POMT2: variants seen among roughly 807,000 people sequenced by gnomAD.
POMT2 encodes protein O-mannosyl-transferase 2.
Under a neutral mutation model 100.0 loss-of-function variants are expected in POMT2, and 75 were observed. That is an observed-to-expected ratio of 0.75 (90% CI 0.62 to 0.91). POMT2 has a LOEUF of 0.91. POMT2 is among the 40% of genes least tolerant of loss of function. The pLI is 0.00. For synonymous variants in POMT2, 378 were observed against 374.1 expected (o/e 1.01, Z -0.12); for missense variants, 940 against 955.1 (o/e 0.98, Z 0.21).
intron 7 of POMT2, among the ~76,000 whole-genome samples, chr14:77,299,015 T>C (rs1890928500): frequency 6.6e-6 from 1 of 152,120 alleles, no homozygotes; most frequent in Non-Finnish European, 1.5e-5. Context: ...ACTAGAGATT[T>C]AAAGAAACCA....
intron 11 of POMT2, among the ~76,000 whole-genome samples, chr14:77,288,216 G>GT (rs1487289343): frequency 1.3e-5 from 2 of 152,208 alleles, no homozygotes; most frequent in African/African-American, 4.8e-5. Context: ...CTTTGGCCTG[G>GT]TAACTCTTTA....
chr14:77,318,951 G>T (rs980914052), intron 1 of POMT2, among the ~76,000 whole-genome samples: 1 of 152,128 alleles, frequency 6.6e-6, no homozygotes, highest in African/African-American at 2.4e-5. Flanking sequence ...GGCCAGGTTG[G>T]TCTCGAACTC....
At chr14:77,312,289 T>C in intron 1 of POMT2, 1 of 426,512 alleles carries the variant, frequency 2.3e-6, no homozygotes. Flanking sequence ...TAAATATACA[T>C]ATACTTACTC....
At chr14:77,286,408 G>A (rs898636872) in intron 12 of POMT2, among the ~76,000 whole-genome samples, 1 of 152,180 alleles carries the variant, frequency 6.6e-6, no homozygotes, top group Non-Finnish European at 1.5e-5. Context: ...CATACATGTT[G>A]TTCATCTGGG....
chr14:77,313,426 C>T (rs1209241699), intron 1 of POMT2, among the ~76,000 whole-genome samples: 2 of 152,220 alleles, frequency 1.3e-5, no homozygotes, highest in Non-Finnish European at 2.9e-5. Context: ...CCCAGCTCCA[C>T]CACTAATTAA....
chr14:77,309,864 C>T (rs754971797), intron 2 of POMT2, among the ~76,000 whole-genome samples: 22 of 151,918 alleles, frequency 1.4e-4, no homozygotes, highest in South Asian at 2.1e-4. Context: ...TGTATTTTTA[C>T]GTGGAGTTTC....
In POMT2 at chr14:77,286,820, GT is replaced by G; in HGVS notation, c.1255del (p.Thr419LeufsTer14). On this transcript the variant is annotated frameshift_variant and splice_region_variant, in exon 12 of 21. Transcript: ENST00000261534. LOFTEE classifies it high-confidence loss of function. ...ATAGTGACTGTGCAAGTTCCGGGAA[GT>G]TCTAGAAGTTAGAAAAGAGAAGTGT... ...GDIIRLEHKE[T>X]SRNLHSHYHE... The G allele has an allele frequency of 6.2e-7, 1 of 1,614,194 alleles. No individual in the cohort carries two copies. The highest frequency in any genetic ancestry group is 8.5e-7 in the Non-Finnish European group (1 of 1,180,032).
intron 1 of POMT2, among the ~76,000 whole-genome samples, chr14:77,314,680 G>T (rs1001651944): frequency 1.3e-5 from 2 of 152,194 alleles, no homozygotes; most frequent in Non-Finnish European, 2.9e-5. Context: ...CCTGGTTACT[G>T]CCCTGTCCTC....
chr14:77,283,688 T>A, intron 15 of POMT2, 109 bp downstream of exon 15: 1 of 991,820 alleles, frequency 1.0e-6, no homozygotes, highest in Non-Finnish European at 1.6e-6. Flanking sequence ...TGCTTTCAAA[T>A]TCCTCCACAA....
intron 19 of POMT2, 86 bp downstream of exon 19, chr14:77,278,643 G>A (rs2140161543): frequency 6.4e-7 from 1 of 1,569,138 alleles, no homozygotes; most frequent in South Asian, 1.1e-5. Context: ...TCCCGTCAAG[G>A]AGCAGAGTCA....
chr14:77,312,042 AAC>A lies in POMT2; in HGVS notation c.249-11_249-10del, dbSNP rs1450076989. ...AGTGAGTCTCATCCCAACTAAAGGAAACACAGAAAGAGAAACAAGAATTTTAA... is the reference window on the plus strand; with the variant it reads ...AGTGAGTCTCATCCCAACTAAAGGAAACAGAAAGAGAAACAAGAATTTTAA... On this transcript the variant is annotated splice_polypyrimidine_tract_variant and intron_variant, in intron 1 of 20. Coordinates refer to ENST00000261534, the MANE Select transcript of POMT2 (RefSeq NM_013382.7). The A allele has an allele frequency of 6.2e-7, 1 of 1,613,884 alleles. No homozygotes were observed. The highest frequency in any genetic ancestry group is 8.5e-7 in the Non-Finnish European group (1 of 1,179,910).
rs1376890949 is a variant in POMT2 at position 77,279,889 on chromosome 14, G to A, written c.1825C>T (p.Leu609Phe). ...ACAGCAATGATGCTCCCTGAGAGGA[G>A]GTAGAGGGCGATGCTCAACAGATTC... The part of the protein sequence containing the change: ...WLNLLSIALY[L>F]LSGSIIAVAM... Residue 609 changes from leucine (L) to phenylalanine (F), a missense_variant, in exon 18 of 21, where the codon CTC becomes TTC. Transcript: ENST00000261534. 2.5e-6 allele frequency: 4 copies of A among 1,614,130 alleles called. No individual in the cohort carries two copies. The South Asian group carries it at 4.4e-5, about 18-fold the overall frequency.
intron 20 of POMT2, 181 bp downstream of exon 20, chr14:77,278,213 C>A: frequency 1.6e-6 from 1 of 630,374 alleles, no homozygotes; most frequent in South Asian, 1.8e-5. Flanking sequence ...TACCTGGCTG[C>A]ACATTAGGAT....
Position 77,320,498 on chromosome 14 carries a change from C to T in POMT2, c.184G>A (p.Ala62Thr). Residue 62 changes from alanine to threonine, a missense_variant, in exon 1 of 21, where the codon GCC becomes ACC. Coordinates refer to ENST00000261534, the MANE Select transcript of POMT2 (RefSeq NM_013382.7). The part of the protein sequence containing the change: ...FEAVGWWALL[A>T]LVTLLSFATR... ...GCGAAGGACAGCAGCGTCACCAAGG[C>T]CAGCAGGGCCCACCAGCCGACCGCC... 1.3e-6 allele frequency: 2 copies of T among 1,546,428 alleles called. No homozygotes were observed. Among genetic ancestry groups the T allele is most frequent in the South Asian group, 1.2e-5 (1 of 84,582 alleles).
intron 4 of POMT2, among the ~76,000 whole-genome samples, chr14:77,304,340 C>T (rs1314832624): frequency 6.6e-6 from 1 of 151,238 alleles, no homozygotes; most frequent in Admixed American, 6.6e-5. Context: ...CTAATCTTAA[C>T]TTAAGAGAAG....
At chr14:77,310,812 G>A (rs929388670) in intron 2 of POMT2, among the ~76,000 whole-genome samples, 1 of 152,152 alleles carries the variant, frequency 6.6e-6, no homozygotes, top group East Asian at 1.9e-4. Flanking sequence ...GGGCTAATCC[G>A]AGAGCCTTCT....
At chr14:77,305,057 G>A (rs540015954) in intron 3 of POMT2, among the ~76,000 whole-genome samples, 6 of 152,270 alleles carry the variant, frequency 3.9e-5, no homozygotes, top group Non-Finnish European at 5.9e-5. Flanking sequence ...GGAAGGTGTG[G>A]GTAGGAGACA....
At chr14:77,316,810 C>T (rs1385385974) in intron 1 of POMT2, among the ~76,000 whole-genome samples, 1 of 152,130 alleles carries the variant, frequency 6.6e-6, no homozygotes, top group African/African-American at 2.4e-5. Flanking sequence ...AGGCACTTAG[C>T]CCCAATGATA....
At chr14:77,309,727 G>A (rs896446631) in intron 2 of POMT2, among the ~76,000 whole-genome samples, 1 of 152,016 alleles carries the variant, frequency 6.6e-6, no homozygotes, top group Non-Finnish European at 1.5e-5. Flanking sequence ...CAGTCGCCCA[G>A]GCTGGAGTGC....
Sources: allele counts gnomAD v4.1 joint callset (sites outside exome capture counted in the v4.1 genomes callset), GRCh38; gene constraint gnomAD v4.1.1; transcripts MANE v1.5; gene names NCBI Gene and HGNC (gene_info 2026-07-23, HGNC 2026-07-21).